KLHDC10: variants seen among roughly 807,000 people sequenced by gnomAD.
KLHDC10 encodes kelch domain-containing protein 10.
KLHDC10 carries 24 observed loss-of-function variants against 56.1 expected under a neutral mutation model. That is an observed-to-expected ratio of 0.43 (90% confidence interval 0.31 to 0.60). The LOEUF (loss-of-function observed/expected upper bound fraction) is 0.60. KLHDC10 is among the 20% of genes least tolerant of loss of function. KLHDC10 has a pLI of 0.11. For synonymous variants in KLHDC10, 188 were observed against 207.1 expected, an observed-to-expected ratio of 0.91 and a Z score of 0.79; for missense variants, 349 against 567.0, an observed-to-expected ratio of 0.62 and a Z score of 3.91.
chr7:130,113,165 A>G (rs1303190582), intron 2 of KLHDC10, among the ~76,000 whole-genome samples: 1 of 152,114 alleles, frequency 6.6e-6, no homozygotes, highest in Non-Finnish European at 1.5e-5. Context: ...TGGACCACCC[A>G]CATTTCAAGT....
In KLHDC10 at chr7:130,122,153, T is replaced by C; in HGVS notation, c.730T>C (p.Trp244Arg). Residue 244 changes from tryptophan to arginine, a missense_variant, in exon 5 of 10, where the codon TGG becomes CGG. Trp to Arg is a moderately radical substitution (Grantham distance 101). This residue lies in a region of KLHDC10 where 245 missense variants were observed against 470.1 expected (regional missense o/e 0.52). Transcript: ENST00000335420. ...LHKLDLNTRE[W>R]TQLKPNNLSC... Reference sequence around the variant, plus strand: ...CAAGTTAGATCTCAATACCAGAGAGTGGACACAACTGAAACCAAACAACCT... The same window carrying C: ...CAAGTTAGATCTCAATACCAGAGAGCGGACACAACTGAAACCAAACAACCT... 1 of 1,613,842 alleles carries C rather than the reference T, an allele frequency of 6.2e-7. No homozygotes were observed. Among genetic ancestry groups the C allele is most frequent in the Non-Finnish European group, 8.5e-7 (1 of 1,179,882 alleles).
intron 1 of KLHDC10, among the ~76,000 whole-genome samples, chr7:130,078,625 TCTC>T (rs1405985895): frequency 6.6e-6 from 1 of 151,474 alleles, no homozygotes; most frequent in African/African-American, 2.4e-5. Context: ...TTCACGCCAT[TCTC>T]CTGCCTCAGC....
chr7:130,071,749 T>G lies in KLHDC10; in HGVS notation c.166+940T>G, dbSNP rs531366449. Among the ~76,000 whole-genome samples the G allele has an allele frequency of 4.7e-4, 72 of 152,338 alleles. No individual in the cohort carries two copies. In the South Asian group the frequency reaches 0.015, roughly 32 times the overall value. On this transcript the variant is annotated intron_variant, in intron 1 of 9. Transcript: ENST00000335420. The stretch of plus-strand genomic sequence containing the variant: ...ATGATGTGTTAATTATTCATCGTGT[T>G]TTTTGTGAATAATATTGATTATATT...
chr7:130,081,973 C>G (rs1269136086), intron 1 of KLHDC10, among the ~76,000 whole-genome samples: 9 of 152,116 alleles, frequency 5.9e-5, no homozygotes, highest in African/African-American at 2.2e-4. Flanking sequence ...TCTCCCACCC[C>G]CTACCACAGC....
At chr7:130,083,333 C>T (rs1795634919) in intron 1 of KLHDC10, among the ~76,000 whole-genome samples, 1 of 152,146 alleles carries the variant, frequency 6.6e-6, no homozygotes, top group Non-Finnish European at 1.5e-5. Flanking sequence ...GTTGTTGATT[C>T]TTCCTCCTTA....
Position 130,125,922 on chromosome 7 carries a change from G to T in KLHDC10, c.922G>T (p.Glu308Ter). The change falls in exon 7 of 10, where the codon GAA becomes TAA. Residue 308 changes from glutamate (E) to a stop codon, truncating the protein, a stop_gained. Coordinates refer to ENST00000335420, the MANE Select transcript of KLHDC10 (RefSeq NM_014997.4). LOFTEE classifies it high-confidence loss of function. ...GGAGGAAATTGCAACAAAACCCCAT[G>T]AAAAAATAGGTAAATTTAAAGTATT... ...AWEEIATKPH[E>*]KIGFPAARRC... 6.3e-7 allele frequency: 1 copy of T among 1,589,104 alleles called. No individual in the cohort carries two copies. Among genetic ancestry groups the T allele is most frequent in the Admixed American group, 1.8e-5 (1 of 55,014 alleles).
intron 2 of KLHDC10, among the ~76,000 whole-genome samples, chr7:130,110,947 A>T (rs183709028): frequency 5.9e-5 from 9 of 152,198 alleles, no homozygotes; most frequent in African/African-American, 2.2e-4. Flanking sequence ...ATATTTACAT[A>T]TTGTTTATAT....
intron 1 of KLHDC10, among the ~76,000 whole-genome samples, chr7:130,078,721 T>C (rs1049238959): frequency 1.3e-5 from 2 of 152,208 alleles, no homozygotes; most frequent in Non-Finnish European, 2.9e-5. Flanking sequence ...GGTTTCACCG[T>C]GTTAGCCAGG....
rs185541558 is a variant in KLHDC10, at chr7:130,084,288, G to A, written c.167-12633G>A. ...CCCTCTAGCTGCTGGTTGGAGAATG[G>A]CTAATGGGACACGGTAACACAGATG... On this transcript the variant is annotated intron_variant, in intron 1 of 9. Coordinates refer to ENST00000335420, the MANE Select transcript of KLHDC10 (RefSeq NM_014997.4). Among the ~76,000 whole-genome samples, 3 of 152,280 alleles carry A rather than the reference G, an allele frequency of 2.0e-5. No individual in the cohort carries two copies. In the East Asian group the frequency reaches 5.8e-4, roughly 29 times the overall value.
rs552225142 is a variant in KLHDC10, at chr7:130,087,057, A to C, written c.167-9864A>C. Among the ~76,000 whole-genome samples, 11 of 152,332 alleles carry C rather than the reference A, an allele frequency of 7.2e-5. No individual in the cohort carries two copies. The South Asian group carries it at 2.3e-3, about 32-fold the overall frequency. On this transcript the variant is annotated intron_variant, in intron 1 of 9. Transcript: ENST00000335420. Reference sequence around the variant, plus strand: ...TATAGTTAAGGAAGCTGGGGTACCCAGGACAAAACCTTGTCCAAGGACATA... The same window carrying C: ...TATAGTTAAGGAAGCTGGGGTACCCCGGACAAAACCTTGTCCAAGGACATA...
chr7:130,132,288 T>C lies in KLHDC10; in HGVS notation c.*1542T>C, dbSNP rs576041029. The stretch of plus-strand genomic sequence containing the variant: ...ACATCTTTCCTTTAAGTGCCTCTTT[T>C]TTCACCTAGCTTTTAAAGTTATTCT... On this transcript the variant is annotated 3_prime_UTR_variant, in exon 10 of 10. Coordinates refer to ENST00000335420, the MANE Select transcript of KLHDC10 (RefSeq NM_014997.4). 6 of 152,318 alleles carry C rather than the reference T, an allele frequency of 3.9e-5. No homozygotes were observed. In the South Asian group the frequency reaches 1.2e-3, roughly 32 times the overall value. The allele number at this position is 152,318 out of a possible 1,614,324, so 9.4% of individuals were successfully genotyped here. A position where few individuals can be genotyped will look rare whatever the true frequency, so the allele number is the denominator to read the frequency against.
At chr7:130,109,212 C>CT (rs113184697) in intron 2 of KLHDC10, among the ~76,000 whole-genome samples, 160 of 144,732 alleles carry the variant, frequency 1.1e-3, no homozygotes, top group East Asian at 3.8e-3. Flanking sequence ...CAGCAGGTCT[C>CT]TTTTTTTTTT....
In KLHDC10 at chr7:130,070,648, C is replaced by T. The variant is rs3734928; in HGVS notation, c.5C>T (p.Ser2Leu). 0.014 allele frequency: 18,827 copies of T among 1,314,140 alleles called. 169 individuals carry two copies. The highest frequency in any genetic ancestry group is 0.032 in the East Asian group (1,116 of 34,728). 81.4% of individuals were successfully genotyped at this position (1,314,140 alleles called of 1,614,324 possible). The change falls in exon 1 of 10, where the codon TCG becomes TTG. Residue 2 changes from serine to leucine, a missense_variant. Transcript: ENST00000335420. ...TGCGGCAATCGTTAGCGGGTCATGT[C>T]GGCCGCCCAGGGCTGGGACAGGAAC... Reference protein sequence around the residue: MSAAQGWDRNRR... With the variant: MLAAQGWDRNRR...
chr7:130,095,214 A>G (rs1795832456), intron 1 of KLHDC10, among the ~76,000 whole-genome samples: 1 of 151,856 alleles, frequency 6.6e-6, no homozygotes, highest in South Asian at 2.1e-4. Context: ...TTAAAAATAT[A>G]TATATACTTA....
In KLHDC10 at chr7:130,130,204, C is replaced by T. The variant is rs954631449; in HGVS notation, c.1120-333C>T. 6.6e-6 allele frequency among the ~76,000 whole-genome samples: 1 copy of T among 151,646 alleles called. No individual in the cohort carries two copies. Among genetic ancestry groups the T allele is most frequent in the African/African-American group, 2.4e-5 (1 of 41,214 alleles). Reference sequence around the variant, plus strand: ...ACGTGGTGGCGCGTGCCTGTATTCCCAGCTACTCTGGAGGCTGAAGCAGGA... The same window carrying T: ...ACGTGGTGGCGCGTGCCTGTATTCCTAGCTACTCTGGAGGCTGAAGCAGGA... On this transcript the variant is annotated intron_variant, in intron 9 of 9. Transcript: ENST00000335420. The surrounding 1 kb of genome is among the most constrained non-coding windows in gnomAD (Gnocchi z 4.2).
Position 130,126,051 on chromosome 7 carries a change from G to A in KLHDC10, c.931+120G>A. On this transcript the variant is annotated intron_variant, in intron 7 of 9. Transcript: ENST00000335420. ...TCAAGTTAAATACCTGTTGGGCTGG[G>A]CGCATTGTCTCACGCCTATAATCTC... is the stretch of plus-strand genomic sequence containing the variant. 3 of 739,766 alleles carry A rather than the reference G, an allele frequency of 4.1e-6. 1 individual carries two copies. The highest frequency in any genetic ancestry group is 4.0e-5 in the South Asian group (2 of 50,442). The allele number at this position is 739,766 out of a possible 1,614,324, so 45.8% of individuals were successfully genotyped here. A position where few individuals can be genotyped will look rare whatever the true frequency, so the allele number is the denominator to read the frequency against.
In KLHDC10 at chr7:130,122,101, C is replaced by T. The variant is rs775396121; in HGVS notation, c.678C>T (p.Thr226=). 1.4e-5 allele frequency: 22 copies of T among 1,613,796 alleles called. No individual in the cohort carries two copies. Among genetic ancestry groups the T allele is most frequent in the African/African-American group, 2.7e-5 (2 of 74,912 alleles). The change falls in exon 5 of 10, where the codon ACC becomes ACT. Residue 226 remains threonine, a synonymous_variant. Coordinates refer to ENST00000335420, the MANE Select transcript of KLHDC10 (RefSeq NM_014997.4). ...NGSLYVFGGT[T]GYIYSTDLHK... ...CCCTTTATGTCTTTGGAGGTACAAC[C>T]GGCTATATTTACAGCACAGACCTGC... is the stretch of plus-strand genomic sequence containing the variant.
At position 130,120,723 on chromosome 7, in the gene KLHDC10, C is replaced by G; in HGVS notation, c.476-26C>G. 1.9e-6 allele frequency: 3 copies of G among 1,611,612 alleles called. No individual in the cohort carries two copies. The highest frequency in any genetic ancestry group is 2.5e-6 in the Non-Finnish European group (3 of 1,178,714). On this transcript the variant is annotated intron_variant, in intron 3 of 9. Coordinates refer to ENST00000335420, the MANE Select transcript of KLHDC10 (RefSeq NM_014997.4). The surrounding 1 kb of genome is among the most constrained non-coding windows in gnomAD (Gnocchi z 5.1). The stretch of plus-strand genomic sequence containing the variant: ...CAAATTGCAGGTAGCCATTTGTGAA[C>G]AGAACTTGTGCTTCTCCTTCCTCAG...
chr7:130,085,717 C>G (rs1795679067), intron 1 of KLHDC10, among the ~76,000 whole-genome samples: 1 of 151,464 alleles, frequency 6.6e-6, no homozygotes, highest in Admixed American at 6.6e-5. Context: ...GCCTGTAGTC[C>G]CAGCTACTTG....
Sources: allele counts gnomAD v4.1 joint callset (sites outside exome capture counted in the v4.1 genomes callset), GRCh38; gene constraint gnomAD v4.1.1; regional missense constraint gnomAD v4.1.1; non-coding constraint Gnocchi (gnomAD v3.1); transcripts MANE v1.5; gene names NCBI Gene and HGNC (gene_info 2026-07-23, HGNC 2026-07-21).